NKAIN2: variants seen among roughly 807,000 people sequenced by gnomAD.
NKAIN2 encodes sodium/potassium transporting ATPase interacting 2.
NKAIN2 carries 14 observed loss-of-function variants against 32.6 expected under a neutral mutation model. The observed-to-expected ratio is 0.43, with a 90% CI of 0.28 to 0.67. The LOEUF is 0.67. Among genes scored for constraint, NKAIN2 ranks in the 30% least tolerant of loss-of-function variants. NKAIN2 has a pLI of 0.17. For missense variants in NKAIN2, 198 were observed against 258.3 expected, an observed-to-expected ratio of 0.77 and a Z score of 1.60; for synonymous variants, 80 against 87.2, an observed-to-expected ratio of 0.92 and a Z score of 0.46.
At chr6:124,808,714 G>T (rs1224479672) in intron 5 of NKAIN2, among the ~76,000 whole-genome samples, 1 of 152,190 alleles carries the variant, frequency 6.6e-6, no homozygotes, top group African/African-American at 2.4e-5. Flanking sequence ...CAGATGATAT[G>T]ATTGTATATC....
intron 3 of NKAIN2, among the ~76,000 whole-genome samples, chr6:124,572,611 A>G (rs1204401317): frequency 6.6e-6 from 1 of 152,022 alleles, no homozygotes; most frequent in East Asian, 1.9e-4. Context: ...TATCATATGA[A>G]TAGTCACACA....
intron 3 of NKAIN2, among the ~76,000 whole-genome samples, chr6:124,460,820 A>T (rs190785818): frequency 6.6e-6 from 1 of 151,588 alleles, no homozygotes; most frequent in Admixed American, 6.6e-5. Context: ...CTTTAATTCT[A>T]TCTATCCTTA....
intron 1 of NKAIN2, among the ~76,000 whole-genome samples, chr6:124,237,226 C>T (rs1582900929): frequency 6.6e-6 from 1 of 152,038 alleles, no homozygotes; most frequent in Non-Finnish European, 1.5e-5. Context: ...GGAAATAGGT[C>T]ATAGAATTTA....
At chr6:123,954,916 A>G (rs2114594989) in intron 1 of NKAIN2, among the ~76,000 whole-genome samples, 1 of 152,250 alleles carries the variant, frequency 6.6e-6, no homozygotes, top group East Asian at 1.9e-4. Flanking sequence ...GTCAGCAGAG[A>G]AGAAATCAGT....
At chr6:124,572,554 A>C (rs1336747463) in intron 3 of NKAIN2, among the ~76,000 whole-genome samples, 1 of 152,212 alleles carries the variant, frequency 6.6e-6, no homozygotes, top group Non-Finnish European at 1.5e-5. Flanking sequence ...GTAGAGTTCA[A>C]GTATCCAAAA....
chr6:124,017,109 G>A (rs912216908), intron 1 of NKAIN2, among the ~76,000 whole-genome samples: 14 of 152,190 alleles, frequency 9.2e-5, no homozygotes, highest in Non-Finnish European at 1.9e-4. Flanking sequence ...CATGGCGGAA[G>A]ACAAAGGAGA....
intron 3 of NKAIN2, among the ~76,000 whole-genome samples, chr6:124,561,077 G>A (rs573586104): frequency 1.5e-4 from 16 of 110,080 alleles, no homozygotes; most frequent in Non-Finnish European, 3.2e-4. Flanking sequence ...GCCCTGATGT[G>A]AGTCACTGTC....
chr6:124,413,283 G>A (rs1361203548), intron 3 of NKAIN2, among the ~76,000 whole-genome samples: 1 of 152,068 alleles, frequency 6.6e-6, no homozygotes. Context: ...TTTAAGAATT[G>A]ACGTTCATTC....
chr6:124,708,485 T>A (rs1775229999), intron 4 of NKAIN2, among the ~76,000 whole-genome samples: 1 of 152,244 alleles, frequency 6.6e-6, no homozygotes, highest in Non-Finnish European at 1.5e-5. Context: ...CATGGAATTT[T>A]CTTCCATTTG....
At chr6:124,726,936 C>T (rs1776353550) in intron 4 of NKAIN2, among the ~76,000 whole-genome samples, 1 of 131,818 alleles carries the variant, frequency 7.6e-6, no homozygotes, top group African/African-American at 2.9e-5. Context: ...CTGATGCAAT[C>T]AACTGGAAGA....
intron 3 of NKAIN2, among the ~76,000 whole-genome samples, chr6:124,377,737 T>G (rs1246907511): frequency 1.3e-5 from 2 of 152,198 alleles, no homozygotes; most frequent in African/African-American, 4.8e-5. Context: ...GTAAATGGAA[T>G]GATTTTTAGC....
chr6:124,343,327 G>A (rs929462623), intron 2 of NKAIN2, among the ~76,000 whole-genome samples: 2 of 151,342 alleles, frequency 1.3e-5, no homozygotes, highest in East Asian at 2.0e-4. Flanking sequence ...ATGATTTATA[G>A]TCCTTTGGGT....
chr6:124,612,347 C>G (rs1475253465), intron 3 of NKAIN2, among the ~76,000 whole-genome samples: 1 of 152,038 alleles, frequency 6.6e-6, no homozygotes, highest in Non-Finnish European at 1.5e-5. Context: ...TGATACAGCA[C>G]CAATTTATCT....
chr6:124,380,040 C>A (rs7751055), intron 3 of NKAIN2, among the ~76,000 whole-genome samples: 64,557 of 151,976 alleles, frequency 0.42, 13,882 homozygotes, highest in South Asian at 0.52. Flanking sequence ...TATTTTCACG[C>A]TATGCAGTTA....
intron 1 of NKAIN2, among the ~76,000 whole-genome samples, chr6:124,126,330 A>T (rs530984630): frequency 6.6e-6 from 1 of 152,156 alleles, no homozygotes; most frequent in African/African-American, 2.4e-5. Flanking sequence ...TGTATTTCCT[A>T]CTTATACAGT....
At chr6:124,793,259 C>A (rs1411528473) in intron 5 of NKAIN2, among the ~76,000 whole-genome samples, 1 of 152,100 alleles carries the variant, frequency 6.6e-6, no homozygotes, top group Non-Finnish European at 1.5e-5. Flanking sequence ...GGAATAAGAT[C>A]ACTAGTTCAG....
intron 1 of NKAIN2, among the ~76,000 whole-genome samples, chr6:124,222,114 T>C (rs1192054376): frequency 6.6e-6 from 1 of 152,130 alleles, no homozygotes; most frequent in Non-Finnish European, 1.5e-5. Context: ...ATAATGTGAA[T>C]CCAGGAATCT....
At chr6:124,265,695 C>T (rs11967056) in intron 1 of NKAIN2, among the ~76,000 whole-genome samples, 387 of 152,314 alleles carry the variant, frequency 2.5e-3, no homozygotes, top group African/African-American at 9.0e-3. Context: ...ACTCCATTCT[C>T]TACGCATTTA....
intron 3 of NKAIN2, among the ~76,000 whole-genome samples, chr6:124,580,407 G>C (rs866882064): frequency 3.3e-5 from 5 of 152,104 alleles, no homozygotes; most frequent in South Asian, 2.1e-4. Context: ...TCTATTAGTT[G>C]TTAGCTTATG....
Sources: gnomAD v4.1 joint callset for allele counts (sites outside exome capture counted in the v4.1 genomes callset) on GRCh38, gnomAD v4.1.1 for gene constraint, MANE v1.5 for transcripts, NCBI Gene and HGNC (gene_info 2026-07-23, HGNC 2026-07-21) for gene names.